Variants in DLG2 observed in about 807,000 individuals in gnomAD.
DLG2 encodes disks large homolog 2.
Under a neutral mutation model 132.5 loss-of-function variants are expected in DLG2, and 45 were observed. The ratio of observed to expected loss-of-function variants is 0.34; its 90% CI spans 0.27 to 0.44. The LOEUF (loss-of-function observed/expected upper bound fraction) is 0.44. DLG2 is among the 20% of genes least tolerant of loss of function. DLG2 has a pLI of 1.00. For synonymous variants in DLG2, 424 were observed against 419.6 expected (o/e 1.01, Z -0.13); for missense variants, 1,045 against 1,196.9 (o/e 0.87, Z 1.87).
At chr11:84,918,486 C>T (rs1420007935) in intron 6 of DLG2, among the ~76,000 whole-genome samples, 1 of 152,050 alleles carries the variant, frequency 6.6e-6, no homozygotes, top group Non-Finnish European at 1.5e-5. Context: ...GAAAGGATTC[C>T]CATCACAGGA....
Position 85,499,198 on chromosome 11 carries a change from G to C in DLG2, c.40+99459C>G, listed in dbSNP as rs80284445. ...AAAAGATAAACAAAATAGACCACTA[G>C]CAAAACTAATAAAGAAGGAAAGAGA... On this transcript the variant is annotated intron_variant, in intron 3 of 27. Transcript: ENST00000376104. Among the ~76,000 whole-genome samples, 1,508 of 151,640 alleles carry C rather than the reference G, an allele frequency of 9.9e-3. 21 individuals are homozygous for C. Among genetic ancestry groups the C allele is most frequent in the African/African-American group, 0.034 (1,418 of 41,296 alleles).
At chr11:84,843,239 C>T (rs900882221) in intron 6 of DLG2, among the ~76,000 whole-genome samples, 3 of 150,990 alleles carry the variant, frequency 2.0e-5, no homozygotes, top group Non-Finnish European at 4.4e-5. Context: ...AAATTGTATA[C>T]ATCAAATACA....
chr11:84,115,343 A>G (rs1023105618), intron 9 of DLG2, among the ~76,000 whole-genome samples: 1 of 152,222 alleles, frequency 6.6e-6, no homozygotes, highest in African/African-American at 2.4e-5. Flanking sequence ...AGTGAGTTCA[A>G]TGTTCCATCA....
At position 84,230,659 on chromosome 11, in the gene DLG2, T is replaced by C. The variant is rs1234471946; in HGVS notation, c.573+20579A>G. Among the ~76,000 whole-genome samples, 4 of 152,078 alleles carry C rather than the reference T, an allele frequency of 2.6e-5. No individual in the cohort carries two copies. In the South Asian group the frequency reaches 8.3e-4, roughly 31 times the overall value. Reference sequence around the variant, plus strand: ...AACTGAATACATGATCAACTCCATATGGAAAGCGGATGAATAAGGAAAGAG... The same window carrying C: ...AACTGAATACATGATCAACTCCATACGGAAAGCGGATGAATAAGGAAAGAG... On this transcript the variant is annotated intron_variant, in intron 8 of 27. Coordinates refer to ENST00000376104, the MANE Select transcript of DLG2 (RefSeq NM_001142699.3).
At chr11:83,942,404 A>C (rs1413983300) in intron 14 of DLG2, among the ~76,000 whole-genome samples, 2 of 152,162 alleles carry the variant, frequency 1.3e-5, no homozygotes, top group Non-Finnish European at 2.9e-5. Flanking sequence ...GTACGATCCC[A>C]ATTTTACTTA....
intron 6 of DLG2, among the ~76,000 whole-genome samples, chr11:84,623,855 C>G (rs2099617918): frequency 6.6e-6 from 1 of 152,190 alleles, no homozygotes; most frequent in South Asian, 2.1e-4. Context: ...ATGTGTTACA[C>G]AATTACCTCA....
Position 83,756,107 on chromosome 11 carries a change from G to A in DLG2, c.1825+30583C>T, listed in dbSNP as rs573737023. 3.2e-4 allele frequency among the ~76,000 whole-genome samples: 48 copies of A among 151,014 alleles called. 2 individuals carry two copies. The highest frequency in any genetic ancestry group is 8.4e-4 in the African/African-American group (34 of 40,588). ...CTCTAGAGCCAAAAGAATAGTTTCC[G>A]GCATCATTATGGAGAGGCACCACAC... On this transcript the variant is annotated intron_variant, in intron 18 of 27. Coordinates refer to ENST00000376104, the MANE Select transcript of DLG2 (RefSeq NM_001142699.3).
chr11:83,942,818 G>A (rs2082970372), intron 14 of DLG2, among the ~76,000 whole-genome samples: 1 of 152,204 alleles, frequency 6.6e-6, no homozygotes, highest in Non-Finnish European at 1.5e-5. Flanking sequence ...AGGTAACTAT[G>A]TGAGGTAATG....
At chr11:85,574,443 A>C (rs1395841352) in intron 3 of DLG2, among the ~76,000 whole-genome samples, 1 of 150,822 alleles carries the variant, frequency 6.6e-6, no homozygotes, top group Non-Finnish European at 1.5e-5. Flanking sequence ...AAAAAAAATG[A>C]CTCCTCCTTG....
At chr11:84,020,869 T>C (rs929187116) in intron 11 of DLG2, among the ~76,000 whole-genome samples, 8 of 152,294 alleles carry the variant, frequency 5.3e-5, no homozygotes, top group Admixed American at 3.3e-4. Flanking sequence ...AGCCTTAAAG[T>C]GCTAGAGCCA....
chr11:85,214,930 C>G (rs1187161227), intron 4 of DLG2, among the ~76,000 whole-genome samples: 3 of 152,104 alleles, frequency 2.0e-5, no homozygotes, highest in African/African-American at 7.2e-5. Flanking sequence ...ACAAATTGCT[C>G]CATAATACTT....
intron 8 of DLG2, among the ~76,000 whole-genome samples, chr11:84,212,715 G>A (rs1269543783): frequency 8.5e-5 from 13 of 152,118 alleles, no homozygotes; most frequent in Non-Finnish European, 1.2e-4. Flanking sequence ...GCTGGAGTGC[G>A]GTGGTGCAAT....
At chr11:84,346,788 G>C (rs916164765) in intron 7 of DLG2, among the ~76,000 whole-genome samples, 2 of 152,096 alleles carry the variant, frequency 1.3e-5, no homozygotes, top group Non-Finnish European at 2.9e-5. Flanking sequence ...ATGTTGGCCA[G>C]GATGGTCTCA....
intron 15 of DLG2, among the ~76,000 whole-genome samples, chr11:83,919,539 C>T (rs1483394): frequency 0.8 from 121,730 of 152,140 alleles, 48,769 homozygotes; most frequent in East Asian, 0.91. Context: ...CTTATTTCTC[C>T]TTTTTTACAT....
chr11:85,563,510 G>C, intron 3 of DLG2, among the ~76,000 whole-genome samples: 1 of 151,358 alleles, frequency 6.6e-6, no homozygotes, highest in East Asian at 1.9e-4. Flanking sequence ...CCTGCTTTCT[G>C]TCAAGACATA....
At chr11:84,026,281 A>G (rs1212473394) in intron 11 of DLG2, among the ~76,000 whole-genome samples, 2 of 152,068 alleles carry the variant, frequency 1.3e-5, no homozygotes, top group African/African-American at 4.8e-5. Flanking sequence ...CATTTAAAGG[A>G]GTCGTGCCTG....
chr11:85,593,134 A>G (rs1240055029), intron 3 of DLG2, among the ~76,000 whole-genome samples: 3 of 152,238 alleles, frequency 2.0e-5, no homozygotes, highest in Non-Finnish European at 4.4e-5. Context: ...TATGGATTAC[A>G]AAGTACTCAA....
intron 6 of DLG2, among the ~76,000 whole-genome samples, chr11:84,745,038 C>G (rs902524726): frequency 6.6e-6 from 1 of 151,820 alleles, no homozygotes; most frequent in East Asian, 1.9e-4. Context: ...AAAAAAAAAC[C>G]CTGAAAATAC....
chr11:84,231,784 T>C lies in DLG2; in HGVS notation c.573+19454A>G, dbSNP rs144562733. Among the ~76,000 whole-genome samples the C allele has an allele frequency of 1.4e-4, 21 of 152,114 alleles. No homozygotes were observed. In the South Asian group the frequency reaches 1.7e-3, roughly 12 times the overall value. ...TGGAATAAGAACTCAGAGAGCTATGTGGACAGGAGGAAGGAAAATCAAAAT... is the reference window on the plus strand; with the variant it reads ...TGGAATAAGAACTCAGAGAGCTATGCGGACAGGAGGAAGGAAAATCAAAAT... On this transcript the variant is annotated intron_variant, in intron 8 of 27. Transcript: ENST00000376104.
Sources: gnomAD v4.1 joint callset for allele counts (sites outside exome capture counted in the v4.1 genomes callset) on GRCh38, gnomAD v4.1.1 for gene constraint, MANE v1.5 for transcripts, NCBI Gene and HGNC (gene_info 2026-07-23, HGNC 2026-07-21) for gene names.